The following TMEM60 variants were observed in gnomAD, a reference collection of about 807,000 sequenced individuals.
The protein encoded by TMEM60 is transmembrane protein 60.
TMEM60 carries 4 observed loss-of-function variants against 10.7 expected under a neutral mutation model. The ratio of observed to expected loss-of-function variants is 0.37; its 90% CI spans 0.18 to 0.86. TMEM60 has a LOEUF of 0.86. TMEM60 is among the 40% of genes least tolerant of loss of function. The pLI is 0.43. For missense variants in TMEM60, 128 were observed against 153.4 expected, an observed-to-expected ratio of 0.83 and a Z score of 0.88; for synonymous variants, 56 against 58.1, an observed-to-expected ratio of 0.96 and a Z score of 0.17.
In TMEM60 at chr7:77,794,855, A is replaced by T. The variant is rs541529628; in HGVS notation, c.-50-432T>A. ...TGGGTATCAAGCTGAGAAGAGAGAG[A>T]GTTTTAAAAGAAGGGAATGGGAAGG... On this transcript the variant is annotated intron_variant, in intron 1 of 1. Transcript: ENST00000257663. 2.0e-5 allele frequency among the ~76,000 whole-genome samples: 3 copies of T among 152,260 alleles called. No homozygotes were observed. In the East Asian group the frequency reaches 5.8e-4, roughly 29 times the overall value.
At chr7:77,797,284 A>AT (rs1426954674) in intron 1 of TMEM60, among the ~76,000 whole-genome samples, 2 of 152,120 alleles carry the variant, frequency 1.3e-5, no homozygotes, top group Non-Finnish European at 2.9e-5. Context: ...GACAAGCTTC[A>AT]TTTTTTTCTT....
Position 77,794,121 on chromosome 7 carries a change from A to G in TMEM60, c.253T>C (p.Leu85=). ...GCGAGGCAGAAGGCTAATTTAAGTAACATTGCAATGAGGTACCAGGCTTTT... is the reference window on the plus strand; with the variant it reads ...GCGAGGCAGAAGGCTAATTTAAGTAGCATTGCAATGAGGTACCAGGCTTTT... ...KKKAWYLIAM[L]LKLAFCLALC... is the part of the protein sequence containing the mutation. The change falls in exon 2 of 2, where the codon TTA becomes CTA. Residue 85 remains leucine, a synonymous_variant. Coordinates refer to ENST00000257663, the MANE Select transcript of TMEM60 (RefSeq NM_032936.4). 6.2e-7 allele frequency: 1 copy of G among 1,614,092 alleles called. No homozygotes were observed. The highest frequency in any genetic ancestry group is 1.3e-5 in the African/African-American group (1 of 75,028).
rs1287514123 is a variant in TMEM60 at position 77,794,244 on chromosome 7, T to C, written c.130A>G (p.Ile44Val). Residue 44 changes from isoleucine to valine, a missense_variant, in exon 2 of 2, where the codon ATA becomes GTA. Transcript: ENST00000257663. ...NWFLIFIPVW[I>V]FDTILLVLLI... ...AGGACAAGAAGGATAGTATCAAATA[T>C]CCAGACTGGAATGAATATGAGGAAC... The C allele has an allele frequency of 6.2e-6, 10 of 1,613,822 alleles. No individual in the cohort carries two copies. The highest frequency in any genetic ancestry group is 1.3e-5 in the African/African-American group (1 of 74,826).
intron 1 of TMEM60, among the ~76,000 whole-genome samples, chr7:77,797,919 G>T (rs962343086): frequency 1.3e-5 from 2 of 152,198 alleles, no homozygotes; most frequent in African/African-American, 4.8e-5. Context: ...TTGGCCAAAG[G>T]AACAGCGTTC....
Position 77,793,964 on chromosome 7 carries a change from C to T in TMEM60, c.*8G>A. 2 of 1,549,900 alleles carry T rather than the reference C, an allele frequency of 1.3e-6. No homozygotes were observed. Among genetic ancestry groups the T allele is most frequent in the South Asian group, 1.3e-5 (1 of 78,868 alleles). ...ACAGCAATAGAAAGGAGATGATGTA[C>T]TTAGAAGTCAGTCTCTCACAAAAAA... is the stretch of plus-strand genomic sequence containing the variant. On this transcript the variant is annotated 3_prime_UTR_variant, in exon 2 of 2. Transcript: ENST00000257663.
At chr7:77,798,115 G>A (rs1219369261) in intron 1 of TMEM60, 139 bp downstream of exon 1, 1 of 152,432 alleles carries the variant, frequency 6.6e-6, no homozygotes, top group East Asian at 1.9e-4. Context: ...GATGCGCACA[G>A]AAGCCCTGGA....
At chr7:77,796,920 A>ATGT (rs1792180503) in intron 1 of TMEM60, among the ~76,000 whole-genome samples, 1 of 152,224 alleles carries the variant, frequency 6.6e-6, no homozygotes, top group Non-Finnish European at 1.5e-5. Flanking sequence ...CTATTTCAAC[A>ATGT]GTTAAGTATT....
intron 1 of TMEM60, among the ~76,000 whole-genome samples, chr7:77,796,675 C>A (rs1293200244): frequency 1.3e-5 from 2 of 152,014 alleles, no homozygotes; most frequent in East Asian, 3.9e-4. Context: ...AGAGAGGATA[C>A]TTGATGGAAA....
Position 77,793,826 on chromosome 7 carries a change from T to C in TMEM60, c.*146A>G, listed in dbSNP as rs1792135477. 5.8e-6 allele frequency: 5 copies of C among 859,942 alleles called. No individual in the cohort carries two copies. The highest frequency in any genetic ancestry group is 8.3e-6 in the Non-Finnish European group (5 of 599,046). 53.3% of individuals were successfully genotyped at this position (859,942 alleles called of 1,614,324 possible). On this transcript the variant is annotated 3_prime_UTR_variant, in exon 2 of 2. Coordinates refer to ENST00000257663, the MANE Select transcript of TMEM60 (RefSeq NM_032936.4). The stretch of plus-strand genomic sequence containing the variant: ...TGTAGGTTGACTAGAAGTCCGTGAT[T>C]CACCAATCCTGTTTTATGGAAGTAG...
chr7:77,797,631 T>G (rs2150441944), intron 1 of TMEM60, among the ~76,000 whole-genome samples: 1 of 152,310 alleles, frequency 6.6e-6, no homozygotes, highest in African/African-American at 2.4e-5. Flanking sequence ...GTTTCCCATT[T>G]AAGGTGGTTA....
In TMEM60 at chr7:77,794,142, CTT is replaced by C. The variant is rs749773249; in HGVS notation, c.230_231del (p.Lys77SerfsTer10). Reference sequence around the variant, plus strand: ...AGTAACATTGCAATGAGGTACCAGGCTTTTTTTTTAATATTGTGTGATCCATG... The same window carrying C: ...AGTAACATTGCAATGAGGTACCAGGCTTTTTTTAATATTGTGTGATCCATG... The part of the protein sequence containing the change: ...PRHGSHNIKK[K>X]AWYLIAMLLK... On this transcript the variant is annotated frameshift_variant, in exon 2 of 2. Coordinates refer to ENST00000257663, the MANE Select transcript of TMEM60 (RefSeq NM_032936.4). LOFTEE classifies it high-confidence loss of function. 1 of 1,607,350 alleles carries C rather than the reference CTT, an allele frequency of 6.2e-7. No individual in the cohort carries two copies. Among genetic ancestry groups the C allele is most frequent in the Non-Finnish European group, 8.5e-7 (1 of 1,176,642 alleles).
At position 77,794,348 on chromosome 7, in the gene TMEM60, A is replaced by C. The variant is rs1162330331; in HGVS notation, c.26T>G (p.Val9Gly). The C allele has an allele frequency of 6.3e-7, 1 of 1,592,042 alleles. No individual in the cohort carries two copies. The highest frequency in any genetic ancestry group is 1.2e-5 in the South Asian group (1 of 85,982). Residue 9 changes from valine (V) to glycine (G), a missense_variant, in exon 2 of 2, where the codon GTA (valine) becomes GGA (glycine). Physicochemically the swap from Val to Gly is moderately radical, Grantham distance 109. Transcript: ENST00000257663. ...TAGTGTGAAAAGCCAGGTGAGTAGT[A>C]CTCTCTGAGCCAAGGACATTCTCAT... MRMSLAQR[V>G]LLTWLFTLLF...
intron 1 of TMEM60, among the ~76,000 whole-genome samples, chr7:77,797,652 T>C (rs1162261344): frequency 1.3e-5 from 2 of 152,210 alleles, no homozygotes; most frequent in Non-Finnish European, 2.9e-5. Context: ...TTTCTGGCAC[T>C]AGGAAGACAG....
chr7:77,797,252 T>G (rs1792194014), intron 1 of TMEM60, among the ~76,000 whole-genome samples: 1 of 152,254 alleles, frequency 6.6e-6, no homozygotes, highest in Non-Finnish European at 1.5e-5. Context: ...TAAACCTAAC[T>G]GTTCCATCTG....
At chr7:77,796,782 C>T (rs1353790026) in intron 1 of TMEM60, among the ~76,000 whole-genome samples, 1 of 152,182 alleles carries the variant, frequency 6.6e-6, no homozygotes, top group Non-Finnish European at 1.5e-5. Flanking sequence ...AAGGAACTGG[C>T]TAATTGAGCC....
chr7:77,794,571 T>A, intron 1 of TMEM60, 148 bp from the exon 2 acceptor site: 1 of 521,230 alleles, frequency 1.9e-6, no homozygotes, highest in Non-Finnish European at 3.2e-6. Context: ...CTCTAAAACT[T>A]AGTGATCATT....
At chr7:77,796,395 C>T (rs1792167677) in intron 1 of TMEM60, among the ~76,000 whole-genome samples, 1 of 152,152 alleles carries the variant, frequency 6.6e-6, no homozygotes, top group South Asian at 2.1e-4. Flanking sequence ...ATATGTTCCT[C>T]TACTTAAGTT....
At chr7:77,795,165 G>GTCAATCCA (rs146606933) in intron 1 of TMEM60, among the ~76,000 whole-genome samples, 3,687 of 152,006 alleles carry the variant, frequency 0.024, 141 homozygotes, top group African/African-American at 0.083. Context: ...GTCTCAATCA[G>GTCAATCCA]TCAATCCATC....
At position 77,794,251 on chromosome 7, in the gene TMEM60, T is replaced by C; in HGVS notation, c.123A>G (p.Pro41=). ...APWNWFLIFI[P]VWIFDTILLV... ...GAAGGATAGTATCAAATATCCAGACTGGAATGAATATGAGGAACCAGTTCC... is the reference window on the plus strand; with the variant it reads ...GAAGGATAGTATCAAATATCCAGACCGGAATGAATATGAGGAACCAGTTCC... The change falls in exon 2 of 2, where the codon CCA becomes CCG. Residue 41 remains proline, a synonymous_variant. Coordinates refer to ENST00000257663, the MANE Select transcript of TMEM60 (RefSeq NM_032936.4). The C allele has an allele frequency of 6.2e-7, 1 of 1,613,966 alleles. No homozygotes were observed. Among genetic ancestry groups the C allele is most frequent in the East Asian group, 2.2e-5 (1 of 44,870 alleles).
Sources: gnomAD v4.1 joint callset for allele counts (sites outside exome capture counted in the v4.1 genomes callset) on GRCh38, gnomAD v4.1.1 for gene constraint, MANE v1.5 for transcripts, NCBI Gene and HGNC (gene_info 2026-07-23, HGNC 2026-07-21) for gene names.